The following SHLD2 variants were observed in gnomAD, a reference collection of about 807,000 sequenced individuals.
SHLD2 encodes the protein shieldin complex subunit 2, also known as RINN1-REV7-interacting novel NHEJ regulator 2.
SHLD2 carries 30 observed loss-of-function variants against 73.2 expected under a neutral mutation model. The observed-to-expected ratio is 0.41, with a 90% CI of 0.31 to 0.56. The LOEUF (loss-of-function observed/expected upper bound fraction) is 0.56. Ranked by LOEUF, SHLD2 falls within the 20% of genes least tolerant of loss-of-function variation. The pLI is 0.28. For synonymous variants in SHLD2, 285 were observed against 370.1 expected (o/e 0.77, Z 2.64); for missense variants, 745 against 1,055.9 (o/e 0.71, Z 4.08).
intron 2 of SHLD2, among the ~76,000 whole-genome samples, chr10:87,134,430 C>G (rs1844651017): frequency 6.6e-6 from 1 of 152,078 alleles, no homozygotes; most frequent in East Asian, 1.9e-4. Context: ...TTTTTTAAAT[C>G]AGATTTTTAA....
At chr10:87,133,138 G>A (rs980940241) in intron 2 of SHLD2, among the ~76,000 whole-genome samples, 12 of 151,930 alleles carry the variant, frequency 7.9e-5, no homozygotes, top group Non-Finnish European at 1.8e-4. Flanking sequence ...GAGTTTTGTC[G>A]CTGATATCTA....
chr10:87,170,951 A>G lies in SHLD2; in HGVS notation c.1940A>G (p.Tyr647Cys). ...LVLWGPGAAW[Y>C]PQLQRKKGYI... ...TTATGGGGTCCTGGAGCAGCCTGGT[A>G]CCCTCAACTTCAAAGGAAAAAAGGT... Residue 647 changes from tyrosine to cysteine, a missense_variant, in exon 6 of 10, where the codon TAC becomes TGC. Transcript: ENST00000298786. 6.4e-7 allele frequency: 1 copy of G among 1,561,516 alleles called. No homozygotes were observed. Among genetic ancestry groups the G allele is most frequent in the Non-Finnish European group, 8.8e-7 (1 of 1,137,428 alleles).
chr10:87,164,124 A>C lies in SHLD2; in HGVS notation c.1633+5969A>C, dbSNP rs986194422. ...AGGTACGTGCCACCACGCCCAGATAATTTTTGTATTTTTAGTAGAGATGGG... is the reference window on the plus strand; with the variant it reads ...AGGTACGTGCCACCACGCCCAGATACTTTTTGTATTTTTAGTAGAGATGGG... On this transcript the variant is annotated intron_variant, in intron 4 of 9. Transcript: ENST00000298786. Among the ~76,000 whole-genome samples the C allele has an allele frequency of 1.2e-4, 18 of 151,584 alleles. 1 individual carries two copies. Among genetic ancestry groups the C allele is most frequent in the Non-Finnish European group, 2.1e-4 (14 of 67,898 alleles).
At chr10:87,189,481 A>C (rs967275877) in intron 9 of SHLD2, among the ~76,000 whole-genome samples, 7 of 152,216 alleles carry the variant, frequency 4.6e-5, no homozygotes, top group Non-Finnish European at 1.0e-4. Context: ...TCATCAGACC[A>C]TGCAGACTAT....
At chr10:87,126,244 A>G (rs956753150) in intron 2 of SHLD2, among the ~76,000 whole-genome samples, 51 of 152,026 alleles carry the variant, frequency 3.4e-4, no homozygotes, top group Admixed American at 2.1e-3. Context: ...ATGCCTGGCT[A>G]ATTTTTAAAT....
intron 2 of SHLD2, chr10:87,115,401 T>A (rs1176289921): frequency 6.6e-6 from 1 of 152,060 alleles, no homozygotes; most frequent in Non-Finnish European, 1.5e-5. Flanking sequence ...AGAGATAGAG[T>A]GTGGGAAATA....
intron 8 of SHLD2, among the ~76,000 whole-genome samples, chr10:87,186,459 G>T (rs1848624826): frequency 6.6e-6 from 1 of 152,146 alleles, no homozygotes; most frequent in Non-Finnish European, 1.5e-5. Context: ...TTCCATTGCT[G>T]GTGAGAAGGT....
chr10:87,141,743 A>G (rs1190492872), intron 2 of SHLD2, among the ~76,000 whole-genome samples: 1 of 152,140 alleles, frequency 6.6e-6, no homozygotes, highest in Non-Finnish European at 1.5e-5. Flanking sequence ...CAAAACATTG[A>G]ATTGTGGCCC....
chr10:87,187,940 C>A (rs1848719260), intron 9 of SHLD2, among the ~76,000 whole-genome samples: 1 of 152,116 alleles, frequency 6.6e-6, no homozygotes, highest in African/African-American at 2.4e-5. Context: ...CAGGTCACCA[C>A]TGGTTTCAAA....
intron 2 of SHLD2, among the ~76,000 whole-genome samples, chr10:87,142,248 G>A (rs1589540148): frequency 1.3e-5 from 2 of 152,090 alleles, no homozygotes; most frequent in African/African-American, 4.8e-5. Flanking sequence ...GCTCCTTTAC[G>A]CTGAAGTTTT....
chr10:87,180,037 G>A (rs1378913605), intron 7 of SHLD2, 38 bp from the exon 8 acceptor site: 6 of 1,516,512 alleles, frequency 4.0e-6, no homozygotes, highest in Non-Finnish European at 5.5e-6. Context: ...TATAATTTTG[G>A]CCCAATAATT....
intron 2 of SHLD2, among the ~76,000 whole-genome samples, chr10:87,147,589 A>G (rs1293141518): frequency 6.6e-6 from 1 of 152,060 alleles, no homozygotes; most frequent in East Asian, 1.9e-4. Flanking sequence ...CCTTTTAAAC[A>G]TTTTGGAGAT....
At chr10:87,184,754 TTCTG>T (rs2134741743) in intron 8 of SHLD2, among the ~76,000 whole-genome samples, 1 of 152,310 alleles carries the variant, frequency 6.6e-6, no homozygotes, top group South Asian at 2.1e-4. Context: ...AATGTCTTCC[TTCTG>T]TCTGACTCCA....
chr10:87,155,979 C>T (rs1391296037), intron 3 of SHLD2, among the ~76,000 whole-genome samples: 1 of 151,348 alleles, frequency 6.6e-6, no homozygotes, highest in Non-Finnish European at 1.5e-5. Context: ...CTACACTTTT[C>T]TGTTGTCCTA....
intron 8 of SHLD2, among the ~76,000 whole-genome samples, chr10:87,184,140 A>G (rs1252342731): frequency 1.3e-5 from 2 of 152,086 alleles, no homozygotes; most frequent in Non-Finnish European, 2.9e-5. Context: ...ATGGCACACC[A>G]TCTACCCAAT....
intron 8 of SHLD2, among the ~76,000 whole-genome samples, chr10:87,185,312 CA>C (rs144521569): frequency 0.046 from 7,066 of 152,192 alleles, 283 homozygotes; most frequent in African/African-American, 0.12. Context: ...ATCCATTCAT[CA>C]GTTGATGGAC....
chr10:87,158,327 C>T (rs1846580787), intron 4 of SHLD2, among the ~76,000 whole-genome samples, 172 bp downstream of exon 4: 2 of 152,126 alleles, frequency 1.3e-5, no homozygotes. Flanking sequence ...TGAACTTGTA[C>T]ATTGTAAATC....
chr10:87,113,171 A>G (rs935843351), intron 2 of SHLD2, among the ~76,000 whole-genome samples: 4 of 152,144 alleles, frequency 2.6e-5, no homozygotes, highest in African/African-American at 9.7e-5. Context: ...CTAAAAATAC[A>G]AAATTAGCCG....
At chr10:87,128,528 T>TA (rs1409834171) in intron 2 of SHLD2, among the ~76,000 whole-genome samples, 1 of 152,252 alleles carries the variant, frequency 6.6e-6, no homozygotes. Context: ...CTTCTCCTCT[T>TA]ATGTCTTCCT....
Sources: gnomAD v4.1 joint callset for allele counts (sites outside exome capture counted in the v4.1 genomes callset) on GRCh38, gnomAD v4.1.1 for gene constraint, MANE v1.5 for transcripts, NCBI Gene and HGNC (gene_info 2026-07-23, HGNC 2026-07-21) for gene names.